Variants in OR51M1 observed in about 807,000 individuals in gnomAD.
OR51M1 encodes olfactory receptor family 51 subfamily M member 1, also known as olfactory receptor 51M1.
For synonymous variants in OR51M1, 199 were observed against 155.1 expected, an observed-to-expected ratio of 1.28 and a Z score of -2.10; for missense variants, 509 against 404.4, an observed-to-expected ratio of 1.26 and a Z score of -2.22.
At chr11:5,388,366 T>C (rs1464575657) in intron 2 of OR51M1, among the ~76,000 whole-genome samples, 6 of 151,258 alleles carry the variant, frequency 4.0e-5, no homozygotes, top group East Asian at 1.9e-4. Context: ...CAGGAACACA[T>C]AGGAGAGGGT....
In OR51M1 at chr11:5,389,773, A is replaced by C. The variant is rs1255446621; in HGVS notation, c.375A>C (p.Ser125=). Residue 125 remains serine, a synonymous_variant, in exon 3 of 3, where the codon TCA becomes TCC. Coordinates refer to ENST00000642046, the MANE Select transcript of OR51M1 (RefSeq NM_001004756.3). ...CIHSFSFMES[S]VLLMMSFDRL... ...ACTCTTTTTCCTTCATGGAGTCCTC[A>C]GTGCTCCTCATGATGTCCTTTGACC... 9 of 1,613,980 alleles carry C rather than the reference A, an allele frequency of 5.6e-6. 1 individual carries two copies. The Admixed American group carries it at 1.5e-4, about 27-fold the overall frequency.
At chr11:5,387,774 G>C (rs1028809415) in intron 2 of OR51M1, among the ~76,000 whole-genome samples, 3 of 151,998 alleles carry the variant, frequency 2.0e-5, no homozygotes, top group Non-Finnish European at 4.4e-5. Context: ...CTCTGATTTT[G>C]ATTTCTTCTC....
At chr11:5,384,593 G>A (rs1741516300) in intron 1 of OR51M1, among the ~76,000 whole-genome samples, 1 of 152,222 alleles carries the variant, frequency 6.6e-6, no homozygotes, top group Non-Finnish European at 1.5e-5. Flanking sequence ...ATGTCTAGAA[G>A]TCAGGATGGC....
chr11:5,385,282 A>C (rs775076774), intron 1 of OR51M1, 71 bp from the exon 2 acceptor site: 1 of 152,150 alleles, frequency 6.6e-6, no homozygotes, highest in East Asian at 1.9e-4. Flanking sequence ...AAATCCCCTA[A>C]AGCTTTCTTC....
chr11:5,389,482 C>T lies in OR51M1; in HGVS notation c.84C>T (p.Ser28=). The T allele has an allele frequency of 6.2e-7, 1 of 1,614,012 alleles. No homozygotes were observed. Among genetic ancestry groups the T allele is most frequent in the Non-Finnish European group, 8.5e-7 (1 of 1,179,872 alleles). The change falls in exon 3 of 3, where the codon AGC becomes AGT. Residue 28 remains serine, a synonymous_variant. Coordinates refer to ENST00000642046, the MANE Select transcript of OR51M1 (RefSeq NM_001004756.3). ...TQFSPIFYLT[S]FPGLEGIKHW... Reference sequence around the variant, plus strand: ...TTAGCCCCATATTCTATCTCACCAGCTTTCCTGGATTGGAAGGCATCAAAC... The same window carrying T: ...TTAGCCCCATATTCTATCTCACCAGTTTTCCTGGATTGGAAGGCATCAAAC...
chr11:5,385,730 C>T (rs535205383), intron 2 of OR51M1, among the ~76,000 whole-genome samples: 1 of 115,604 alleles, frequency 8.7e-6, no homozygotes, highest in Non-Finnish European at 2.1e-5. Context: ...GTACAAATAT[C>T]TAATATTTTT....
chr11:5,388,661 T>A (rs1308725286), intron 2 of OR51M1, among the ~76,000 whole-genome samples: 7 of 150,394 alleles, frequency 4.7e-5, no homozygotes, highest in Non-Finnish European at 1.0e-4. Flanking sequence ...TAAGGTAGGG[T>A]CTTGAATGTC....
At position 5,392,851 on chromosome 11, in the gene OR51M1, G is replaced by A. The variant is rs1208415009; in HGVS notation, c.*2472G>A. On this transcript the variant is annotated 3_prime_UTR_variant, in exon 3 of 3. Transcript: ENST00000642046. ...GGCGTGAACCCAGGAGGTGGAGCTT[G>A]CAGTGAGCCGAGATCGTGCCACTGC... 6.6e-6 allele frequency: 1 copy of A among 152,170 alleles called. No homozygotes were observed. Among genetic ancestry groups the A allele is most frequent in the African/African-American group, 2.4e-5 (1 of 41,440 alleles). 9.4% of individuals were successfully genotyped at this position (152,170 alleles called of 1,614,324 possible). A position where few individuals can be genotyped will look rare whatever the true frequency, so the allele number is the denominator to read the frequency against.
intron 1 of OR51M1, among the ~76,000 whole-genome samples, chr11:5,384,468 C>G (rs542333117): frequency 1.3e-5 from 2 of 152,202 alleles, no homozygotes; most frequent in Non-Finnish European, 2.9e-5. Flanking sequence ...AGGACCTTCT[C>G]TTGCTGGAAA....
At position 5,390,575 on chromosome 11, in the gene OR51M1, A is replaced by G; in HGVS notation, c.*196A>G. 3.7e-6 allele frequency: 2 copies of G among 535,800 alleles called. No homozygotes were observed. Among genetic ancestry groups the G allele is most frequent in the Non-Finnish European group, 6.5e-6 (2 of 307,632 alleles). The allele number at this position is 535,800 out of a possible 1,614,324, so 33.2% of individuals were successfully genotyped here. A position where few individuals can be genotyped will look rare whatever the true frequency, so the allele number is the denominator to read the frequency against. ...TGCTTAGATTTTAATGGCTCCTCCT[A>G]CAGCTGAGAACTGGCATTTTTGGTA... On this transcript the variant is annotated 3_prime_UTR_variant, in exon 3 of 3. Coordinates refer to ENST00000642046, the MANE Select transcript of OR51M1 (RefSeq NM_001004756.3).
At position 5,389,841 on chromosome 11, in the gene OR51M1, T is replaced by C; in HGVS notation, c.443T>C (p.Ile148Thr). ...CACCCTCTGAGGTATTCGGTCATTA[T>C]CACTGGCCAGCAAGTGGTCAGAGCA... ...ICHPLRYSVI[I>T]TGQQVVRAGL... Residue 148 changes from isoleucine to threonine, a missense_variant, in exon 3 of 3, where the codon ATC becomes ACC. Ile to Thr is a moderately conservative substitution (Grantham distance 89). Transcript: ENST00000642046. 1 of 1,613,960 alleles carries C rather than the reference T, an allele frequency of 6.2e-7. No individual in the cohort carries two copies. The highest frequency in any genetic ancestry group is 1.1e-5 in the South Asian group (1 of 91,076).
In OR51M1 at chr11:5,392,193, G is replaced by GT. The variant is rs945870437; in HGVS notation, c.*1816dup. The GT allele has an allele frequency of 3.3e-5, 5 of 152,264 alleles. No individual in the cohort carries two copies. Among genetic ancestry groups the GT allele is most frequent in the African/African-American group, 1.2e-4 (5 of 41,470 alleles). 9.4% of individuals were successfully genotyped at this position (152,264 alleles called of 1,614,324 possible). On this transcript the variant is annotated 3_prime_UTR_variant, in exon 3 of 3. Transcript: ENST00000642046. Reference sequence around the variant, plus strand: ...GTATCTCATGTTTGTATGTGTGGGTGTTATCAGACTCTCAGGCTTGGGAGC... The same window carrying GT: ...GTATCTCATGTTTGTATGTGTGGGTGTTTATCAGACTCTCAGGCTTGGGAGC...
chr11:5,388,017 A>G (rs1849727270), intron 2 of OR51M1, among the ~76,000 whole-genome samples: 1 of 152,212 alleles, frequency 6.6e-6, no homozygotes, highest in Non-Finnish European at 1.5e-5. Context: ...AACCACAATT[A>G]CTTTTGCACC....
chr11:5,388,805 T>C (rs965593782), intron 2 of OR51M1, among the ~76,000 whole-genome samples: 2 of 152,024 alleles, frequency 1.3e-5, no homozygotes, highest in African/African-American at 4.8e-5. Flanking sequence ...TGAATTAGAA[T>C]AGCATCAATG....
chr11:5,390,182 G>A lies in OR51M1; in HGVS notation c.784G>A (p.Val262Ile), dbSNP rs772450540. The change falls in exon 3 of 3, where the codon GTA becomes ATA. Residue 262 changes from valine (V) to isoleucine (I), a missense_variant. By Grantham distance (29) the Val-to-Ile change is conservative (BLOSUM62 3). Coordinates refer to ENST00000642046, the MANE Select transcript of OR51M1 (RefSeq NM_001004756.3). ...TCTAPLCAVL[V>I]FFVPMMGLSL... is the part of the protein sequence containing the mutation. ...CACCGCTCCTCTCTGTGCTGTGCTAGTATTCTTTGTGCCCATGATGGGGCT... is the reference window on the plus strand; with the variant it reads ...CACCGCTCCTCTCTGTGCTGTGCTAATATTCTTTGTGCCCATGATGGGGCT... 1 of 1,613,982 alleles carries A rather than the reference G, an allele frequency of 6.2e-7. No individual in the cohort carries two copies. Among genetic ancestry groups the A allele is most frequent in the Non-Finnish European group, 8.5e-7 (1 of 1,179,872 alleles).
chr11:5,385,801 T>TA (rs1056580766), intron 2 of OR51M1, among the ~76,000 whole-genome samples: 6 of 142,184 alleles, frequency 4.2e-5, no homozygotes, highest in African/African-American at 1.1e-4. Context: ...TACTTATATA[T>TA]AAAAAATCTA....
rs367846804 is a variant in OR51M1 at position 5,387,356 on chromosome 11, G to C, written c.-16+1898G>C. The stretch of plus-strand genomic sequence containing the variant: ...CCCTAGAAGTCACTGGTGAATTTAA[G>C]GAGCATTGCTTTAGCTAAGTGGGTT... On this transcript the variant is annotated intron_variant, in intron 2 of 2. Coordinates refer to ENST00000642046, the MANE Select transcript of OR51M1 (RefSeq NM_001004756.3). 1.6e-4 allele frequency among the ~76,000 whole-genome samples: 25 copies of C among 152,212 alleles called. 1 individual carries two copies. The South Asian group carries it at 3.1e-3, about 19-fold the overall frequency.
At chr11:5,389,259 T>C (rs1362953453) in intron 2 of OR51M1, 125 bp from the exon 3 acceptor site, 1 of 823,602 alleles carries the variant, frequency 1.2e-6, no homozygotes, top group Non-Finnish European at 1.9e-6. Context: ...GTAGTGAGAT[T>C]GGCAGAATTC....
At chr11:5,385,793 C>T (rs1397600107) in intron 2 of OR51M1, among the ~76,000 whole-genome samples, 1 of 142,082 alleles carries the variant, frequency 7.0e-6, no homozygotes, top group African/African-American at 2.7e-5. Context: ...ATACCCTATA[C>T]TTATATATAA....
Sources: gnomAD v4.1 joint callset for allele counts (sites outside exome capture counted in the v4.1 genomes callset) on GRCh38, gnomAD v4.1.1 for gene constraint, MANE v1.5 for transcripts, NCBI Gene and HGNC (gene_info 2026-07-23, HGNC 2026-07-21) for gene names.